Variants in DCDC2 observed in about 807,000 individuals in gnomAD.
The protein encoded by DCDC2 is doublecortin domain containing 2.
In DCDC2, 40 loss-of-function variants were observed where a neutral mutation model predicts 50.2. That is an observed-to-expected ratio of 0.80 (90% CI 0.62 to 1.04). The LOEUF (loss-of-function observed/expected upper bound fraction) is 1.04. Among genes scored for constraint, DCDC2 ranks in the 50% least tolerant of loss-of-function variants. The pLI is 0.00. For synonymous variants in DCDC2, 234 were observed against 210.6 expected (o/e 1.11, Z -0.96); for missense variants, 570 against 581.9 (o/e 0.98, Z 0.21).
intron 7 of DCDC2, among the ~76,000 whole-genome samples, chr6:24,248,749 T>C (rs145572714): frequency 6.6e-6 from 1 of 152,248 alleles, no homozygotes; most frequent in African/African-American, 2.4e-5. Context: ...CTACCTCATA[T>C]AAAACATACA....
At chr6:24,289,520 G>A (rs889062040) in intron 5 of DCDC2, among the ~76,000 whole-genome samples, 3 of 152,188 alleles carry the variant, frequency 2.0e-5, no homozygotes, top group Non-Finnish European at 4.4e-5. Flanking sequence ...TTAATTGTAT[G>A]AGAAAGGCCA....
chr6:24,315,306 A>T (rs1191763808), intron 2 of DCDC2, among the ~76,000 whole-genome samples: 2 of 151,924 alleles, frequency 1.3e-5, no homozygotes, highest in African/African-American at 4.8e-5. Context: ...ACCAGCCTTT[A>T]CTGCAGTGGT....
intron 7 of DCDC2, among the ~76,000 whole-genome samples, chr6:24,210,805 T>C (rs115935510): frequency 1.5e-3 from 223 of 152,372 alleles, no homozygotes; most frequent in African/African-American, 5.1e-3. Flanking sequence ...TTCCTTACTA[T>C]GGCTTACAGA....
intron 7 of DCDC2, among the ~76,000 whole-genome samples, chr6:24,232,878 T>C (rs1323343906): frequency 6.6e-6 from 1 of 151,798 alleles, no homozygotes; most frequent in Non-Finnish European, 1.5e-5. Flanking sequence ...CTTCTGGCCA[T>C]AGGAAAAGCT....
the DCDC2 span, among the ~76,000 whole-genome samples, chr6:24,368,826 A>G: frequency 6.6e-6 from 1 of 152,234 alleles, no homozygotes; most frequent in Non-Finnish European, 1.5e-5. Flanking sequence ...TGTATGATTC[A>G]TATAGAACTA....
Position 24,178,462 on chromosome 6 carries a change from C to G in DCDC2, c.1194G>C (p.Gln398His). The change falls in exon 9 of 10, where the codon CAG becomes CAC. Residue 398 changes from glutamine (Q) to histidine (H), a missense_variant. Coordinates refer to ENST00000378454, the MANE Select transcript of DCDC2 (RefSeq NM_016356.5). ...VEEILDHSEQ[Q>H]ARPARVNGGT... The stretch of plus-strand genomic sequence containing the variant: ...CTCCATTTACACGAGCAGGGCGTGC[C>G]TGCTGCTCACTGTGATCCAGAATCT... The G allele has an allele frequency of 6.2e-7, 1 of 1,614,182 alleles. No homozygotes were observed. Among genetic ancestry groups the G allele is most frequent in the Non-Finnish European group, 8.5e-7 (1 of 1,180,026 alleles).
chr6:24,290,878 A>G (rs1322191824), intron 5 of DCDC2, 54 bp downstream of exon 5: 2 of 1,510,880 alleles, frequency 1.3e-6, no homozygotes, highest in African/African-American at 1.4e-5. Flanking sequence ...AAAAGACCCA[A>G]TGCTATTTCA....
intron 7 of DCDC2, among the ~76,000 whole-genome samples, chr6:24,242,129 G>A (rs1762574795): frequency 1.3e-5 from 2 of 152,148 alleles, no homozygotes; most frequent in Admixed American, 1.3e-4. Context: ...AGCTATGATT[G>A]CACCACTGCA....
chr6:24,353,740 A>G (rs1760415509), intron 1 of DCDC2, 117 bp from the exon 2 acceptor site: 2 of 573,994 alleles, frequency 3.5e-6, no homozygotes, highest in African/African-American at 1.9e-5. Flanking sequence ...ACCTTAAAGC[A>G]AAAACAAATA....
chr6:24,174,965 T>A, intron 9 of DCDC2, 131 bp from the exon 10 acceptor site: 1 of 490,924 alleles, frequency 2.0e-6, no homozygotes, highest in African/African-American at 2.0e-5. Flanking sequence ...GTTCCTGGGG[T>A]TCCCTTTGTT....
intron 8 of DCDC2, among the ~76,000 whole-genome samples, chr6:24,202,109 G>A (rs1036099571): frequency 3.9e-5 from 6 of 152,082 alleles, no homozygotes; most frequent in Admixed American, 1.3e-4. Flanking sequence ...AATAGAAAAA[G>A]AAGGACTCCT....
At chr6:24,316,427 A>C (rs577809970) in intron 2 of DCDC2, among the ~76,000 whole-genome samples, 2 of 152,254 alleles carry the variant, frequency 1.3e-5, no homozygotes, top group East Asian at 3.9e-4. Context: ...CCATTTCAGA[A>C]GCTAAGAGAG....
chr6:24,316,766 A>G (rs573334553), intron 2 of DCDC2, among the ~76,000 whole-genome samples: 1 of 152,282 alleles, frequency 6.6e-6, no homozygotes, highest in Admixed American at 6.5e-5. Flanking sequence ...ATACTTAAAG[A>G]TGATGACTCA....
At chr6:24,309,575 T>A (rs1461328019) in intron 2 of DCDC2, among the ~76,000 whole-genome samples, 1 of 151,974 alleles carries the variant, frequency 6.6e-6, no homozygotes, top group Non-Finnish European at 1.5e-5. Context: ...GAGGCATAGC[T>A]AAAAAGCCAA....
At chr6:24,311,589 C>T (rs1759571135) in intron 2 of DCDC2, among the ~76,000 whole-genome samples, 1 of 152,156 alleles carries the variant, frequency 6.6e-6, no homozygotes, top group Non-Finnish European at 1.5e-5. Context: ...TTGTAAAACA[C>T]ATCAGAATTT....
chr6:24,205,143 T>C (rs761008194), intron 7 of DCDC2, 41 bp from the exon 8 acceptor site: 1 of 1,614,128 alleles, frequency 6.2e-7, no homozygotes, highest in Non-Finnish European at 8.5e-7. Flanking sequence ...AATCCAATTG[T>C]GACATCGTGT....
intron 8 of DCDC2, among the ~76,000 whole-genome samples, chr6:24,185,726 CAT>C (rs55962607): frequency 0.022 from 3,009 of 134,868 alleles, 57 homozygotes; most frequent in Admixed American, 0.054. Flanking sequence ...CACACACACA[CAT>C]ATACACACAG....
At chr6:24,282,536 C>T (rs1284708179) in intron 6 of DCDC2, among the ~76,000 whole-genome samples, 2 of 152,144 alleles carry the variant, frequency 1.3e-5, no homozygotes, top group African/African-American at 4.8e-5. Flanking sequence ...AGCCACCACA[C>T]CTGGCCAAGA....
At chr6:24,281,980 T>C (rs1257277323) in intron 6 of DCDC2, among the ~76,000 whole-genome samples, 1 of 152,192 alleles carries the variant, frequency 6.6e-6, no homozygotes, top group Non-Finnish European at 1.5e-5. Context: ...AAAACTCCTA[T>C]TACATAGTAT....
Sources: allele counts gnomAD v4.1 joint callset (sites outside exome capture counted in the v4.1 genomes callset), GRCh38; gene constraint gnomAD v4.1.1; transcripts MANE v1.5; gene names NCBI Gene and HGNC (gene_info 2026-07-23, HGNC 2026-07-21).